RNF217: variants seen among roughly 807,000 people sequenced by gnomAD.
RNF217 encodes the protein E3 ubiquitin-protein ligase RNF217.
A neutral mutation model predicts 57.8 loss-of-function variants in RNF217; 31 were observed. The observed-to-expected ratio is 0.54, with a 90% CI of 0.40 to 0.72. The LOEUF is 0.72. Ranked by LOEUF, RNF217 falls within the 30% of genes least tolerant of loss-of-function variation. The probability of loss-of-function intolerance (pLI) is 0.00; values close to 1 mark genes in which losing one functional copy is unlikely to be tolerated. For synonymous variants in RNF217, 313 were observed against 294.0 expected, an observed-to-expected ratio of 1.06 and a Z score of -0.66; for missense variants, 696 against 708.3, an observed-to-expected ratio of 0.98 and a Z score of 0.20.
chr6:125,020,296 A>G (rs1785788364), intron 1 of RNF217, among the ~76,000 whole-genome samples: 1 of 152,212 alleles, frequency 6.6e-6, no homozygotes, highest in Admixed American at 6.5e-5. Context: ...GACAAATAGA[A>G]TGTGGTATGT....
At chr6:124,981,482 CA>C (rs1784158855) in intron 1 of RNF217, among the ~76,000 whole-genome samples, 2 of 152,090 alleles carry the variant, frequency 1.3e-5, no homozygotes. Context: ...CGGTGACTTT[CA>C]GGCCATAGGT....
In RNF217 at chr6:125,010,458, A is replaced by C. The variant is rs1353595170; in HGVS notation, c.883-34753A>C. On this transcript the variant is annotated intron_variant, in intron 1 of 5. Transcript: ENST00000521654. Reference sequence around the variant, plus strand: ...TAATTCTCTTCTAAACAAGCAATTCATGAAATAGCTCAAAGGAGCATTGTG... The same window carrying C: ...TAATTCTCTTCTAAACAAGCAATTCCTGAAATAGCTCAAAGGAGCATTGTG... 3.9e-5 allele frequency among the ~76,000 whole-genome samples: 6 copies of C among 152,334 alleles called. No individual in the cohort carries two copies. In the South Asian group the frequency reaches 1.0e-3, roughly 26 times the overall value.
Position 125,048,552 on chromosome 6 carries a change from T to C in RNF217, c.1116+3108T>C, listed in dbSNP as rs189671182. Among the ~76,000 whole-genome samples the C allele has an allele frequency of 9.8e-4, 149 of 152,220 alleles. 1 individual carries two copies. Among genetic ancestry groups the C allele is most frequent in the Admixed American group, 7.2e-3 (110 of 15,244 alleles). ...TTTTAATGTTATTCTGAGTCATTGA[T>C]TCACAGTATCTTCATCCAAGATGTC... On this transcript the variant is annotated intron_variant, in intron 2 of 5. Transcript: ENST00000521654.
chr6:125,041,348 A>G (rs1418245619), intron 1 of RNF217, among the ~76,000 whole-genome samples: 2 of 152,188 alleles, frequency 1.3e-5, no homozygotes, highest in African/African-American at 2.4e-5. Context: ...AATTCTCCCA[A>G]CCTTCACTTT....
chr6:125,076,568 T>C (rs1377446472), intron 3 of RNF217, 89 bp from the exon 4 acceptor site: 1 of 773,476 alleles, frequency 1.3e-6, no homozygotes, highest in East Asian at 2.5e-5. Flanking sequence ...TTGGTGAAAC[T>C]GGTAAGTGTT....
intron 1 of RNF217, among the ~76,000 whole-genome samples, chr6:124,979,097 A>C (rs1316948747): frequency 1.3e-5 from 2 of 152,168 alleles, no homozygotes; most frequent in East Asian, 3.9e-4. Flanking sequence ...CATTGACTCT[A>C]TCCAGAGCTG....
At chr6:125,053,883 C>T (rs7747579) in intron 2 of RNF217, among the ~76,000 whole-genome samples, 5,245 of 152,086 alleles carry the variant, frequency 0.034, 196 homozygotes, top group African/African-American at 0.086. Context: ...AGAGTTTGTG[C>T]GTTGATCATA....
chr6:125,071,678 C>A (rs756247343), intron 3 of RNF217, among the ~76,000 whole-genome samples: 2 of 152,098 alleles, frequency 1.3e-5, no homozygotes, highest in Non-Finnish European at 2.9e-5. Context: ...CTGAACATTT[C>A]ATCTTATGAC....
In RNF217 at chr6:125,086,540, A is replaced by G. The variant is rs1788777294; in HGVS notation, c.*3603A>G. On this transcript the variant is annotated 3_prime_UTR_variant, in exon 6 of 6. Coordinates refer to ENST00000521654, the MANE Select transcript of RNF217 (RefSeq NM_001286398.3). ...AAAAGTAGGAAAGAATATGTTGGCA[A>G]TTATAAATGCCCACAGCAATTCCCA... 6.6e-6 allele frequency: 1 copy of G among 152,094 alleles called. No individual in the cohort carries two copies. Among genetic ancestry groups the G allele is most frequent in the Non-Finnish European group, 1.5e-5 (1 of 67,998 alleles). The allele number at this position is 152,094 out of a possible 1,614,324, so 9.4% of individuals were successfully genotyped here.
intron 2 of RNF217, among the ~76,000 whole-genome samples, chr6:125,051,189 C>G (rs1453588266): frequency 1.3e-5 from 2 of 151,848 alleles, no homozygotes; most frequent in African/African-American, 4.8e-5. Context: ...GCCTACACTT[C>G]ACCTAAAAAA....
In RNF217 at chr6:125,071,739, C is replaced by A. The variant is rs77602413; in HGVS notation, c.1282-4918C>A. Among the ~76,000 whole-genome samples the A allele has an allele frequency of 5.9e-5, 9 of 152,216 alleles. No individual in the cohort carries two copies. The East Asian group carries it at 1.7e-3, about 29-fold the overall frequency. On this transcript the variant is annotated intron_variant, in intron 3 of 5. Transcript: ENST00000521654. ...TGCTTGGTGCCTAAATATTCAATTCCTTAAATGTCAGTCATCCTTATTTGT... is the reference window on the plus strand; with the variant it reads ...TGCTTGGTGCCTAAATATTCAATTCATTAAATGTCAGTCATCCTTATTTGT...
chr6:124,975,283 C>A (rs1371307769), intron 1 of RNF217, among the ~76,000 whole-genome samples: 2 of 152,132 alleles, frequency 1.3e-5, no homozygotes, highest in African/African-American at 4.8e-5. Flanking sequence ...AAAAATGAAA[C>A]AATTGCTTGT....
At chr6:125,000,192 C>T (rs982719898) in intron 1 of RNF217, among the ~76,000 whole-genome samples, 2 of 152,060 alleles carry the variant, frequency 1.3e-5, no homozygotes, top group Admixed American at 6.6e-5. Context: ...AACCTTGCCA[C>T]ATCGTACCAT....
At chr6:125,034,514 G>C (rs561400422) in intron 1 of RNF217, among the ~76,000 whole-genome samples, 1 of 151,928 alleles carries the variant, frequency 6.6e-6, no homozygotes, top group African/African-American at 2.4e-5. Flanking sequence ...GTAGATATGC[G>C]ACATTATTTC....
intron 1 of RNF217, among the ~76,000 whole-genome samples, chr6:125,035,012 GTA>G (rs2114488163): frequency 6.6e-6 from 1 of 151,958 alleles, no homozygotes; most frequent in Non-Finnish European, 1.5e-5. Context: ...TGTTATTGGT[GTA>G]TAAGAATGCT....
At chr6:125,072,899 G>A (rs1244787411) in intron 3 of RNF217, among the ~76,000 whole-genome samples, 1 of 152,072 alleles carries the variant, frequency 6.6e-6, no homozygotes, top group Non-Finnish European at 1.5e-5. Flanking sequence ...TATCACTCAG[G>A]CAGATTACTT....
rs562008662 is a variant in RNF217, at chr6:125,024,474, T to A, written c.883-20737T>A. Among the ~76,000 whole-genome samples, 10 of 151,834 alleles carry A rather than the reference T, an allele frequency of 6.6e-5. No individual in the cohort carries two copies. The East Asian group carries it at 2.0e-3, about 30-fold the overall frequency. Reference sequence around the variant, plus strand: ...GGTGCACGCCTGTAATCCCAGCACTTTGGGAGGCTGAGGCAGGCGGATCAC... The same window carrying A: ...GGTGCACGCCTGTAATCCCAGCACTATGGGAGGCTGAGGCAGGCGGATCAC... On this transcript the variant is annotated intron_variant, in intron 1 of 5. Transcript: ENST00000521654.
chr6:125,016,825 T>A (rs1286918196), intron 1 of RNF217, among the ~76,000 whole-genome samples: 1 of 151,998 alleles, frequency 6.6e-6, no homozygotes, highest in Non-Finnish European at 1.5e-5. Context: ...AGGTAATACC[T>A]AATATAGATG....
intron 1 of RNF217, among the ~76,000 whole-genome samples, chr6:124,979,055 T>C (rs1784066814): frequency 6.6e-6 from 1 of 151,284 alleles, no homozygotes; most frequent in South Asian, 2.1e-4. Flanking sequence ...AGAGAGAGAG[T>C]GTAAGATGGT....
Sources: gnomAD v4.1 joint callset for allele counts (sites outside exome capture counted in the v4.1 genomes callset) on GRCh38, gnomAD v4.1.1 for gene constraint, MANE v1.5 for transcripts, NCBI Gene and HGNC (gene_info 2026-07-23, HGNC 2026-07-21) for gene names.